Variants in DLGAP1 observed in about 807,000 individuals in gnomAD.
DLGAP1 encodes DLG associated protein 1, also known as disks large-associated protein 1.
A neutral mutation model predicts 90.8 loss-of-function variants in DLGAP1; 11 were observed. The observed-to-expected ratio is 0.12, with a 90% CI of 0.08 to 0.20. The LOEUF is 0.20. Ranked by LOEUF, DLGAP1 falls within the 10% of genes least tolerant of loss-of-function variation. The pLI, the probability that DLGAP1 is intolerant of heterozygous loss-of-function variation, is 1.00. For synonymous variants in DLGAP1, 558 were observed against 540.7 expected, an observed-to-expected ratio of 1.03 and a Z score of -0.44; for missense variants, 1,050 against 1,333.8, an observed-to-expected ratio of 0.79 and a Z score of 3.31.
intron 7 of DLGAP1, among the ~76,000 whole-genome samples, chr18:3,635,115 G>A (rs2058651041): frequency 6.6e-6 from 1 of 151,088 alleles, no homozygotes; most frequent in African/African-American, 2.4e-5. Flanking sequence ...CTAGTCAAGA[G>A]TCTGGTTGTC....
At chr18:3,957,185 G>C (rs967304588) in intron 3 of DLGAP1, among the ~76,000 whole-genome samples, 21 of 152,304 alleles carry the variant, frequency 1.4e-4, no homozygotes, top group Admixed American at 1.4e-3. Context: ...AGAAGAACAA[G>C]AGAGTCAGAG....
intron 7 of DLGAP1, among the ~76,000 whole-genome samples, chr18:3,615,156 A>G (rs1157142606): frequency 6.6e-6 from 1 of 152,046 alleles, no homozygotes; most frequent in Non-Finnish European, 1.5e-5. Context: ...TCCTGACCTC[A>G]TGTGATCCGC....
chr18:4,204,990 GCTTT>G (rs1330181356), intron 1 of DLGAP1, among the ~76,000 whole-genome samples: 3 of 151,416 alleles, frequency 2.0e-5, no homozygotes, highest in Non-Finnish European at 4.4e-5. Context: ...TTTGAAATCT[GCTTT>G]CTAACTGATT....
chr18:3,898,388 C>T (rs1473761201), intron 3 of DLGAP1, among the ~76,000 whole-genome samples: 4 of 152,230 alleles, frequency 2.6e-5, no homozygotes, highest in Admixed American at 6.5e-5. Flanking sequence ...ATCACAGCAG[C>T]CCTATGAAGC....
intron 1 of DLGAP1, among the ~76,000 whole-genome samples, chr18:4,266,315 T>G (rs897477686): frequency 2.0e-4 from 31 of 152,320 alleles, no homozygotes; most frequent in Middle Eastern, 3.4e-3. Context: ...ATGAATAGAT[T>G]CCACTAATCA....
At position 4,437,399 on chromosome 18, in the gene DLGAP1, AG is replaced by A. The variant is rs547243413; in HGVS notation, c.-267+17606del. On this transcript the variant is annotated intron_variant, in intron 1 of 12. Transcript: ENST00000315677. ...AGGGAGTAGTTCTAGGACCTCCTGT[AG>A]ATACCAAAACTCGAGGATGCCCAAG... is the stretch of plus-strand genomic sequence containing the variant. Among the ~76,000 whole-genome samples the A allele has an allele frequency of 1.2e-4, 19 of 152,358 alleles. No homozygotes were observed. In the East Asian group the frequency reaches 3.7e-3, roughly 29 times the overall value.
At chr18:4,421,936 A>G (rs1171416927) in intron 1 of DLGAP1, among the ~76,000 whole-genome samples, 1 of 151,808 alleles carries the variant, frequency 6.6e-6, no homozygotes, top group Admixed American at 6.6e-5. Flanking sequence ...CTGGTTTCGA[A>G]CTCCTGACCT....
At chr18:3,669,695 T>G (rs370136216) in intron 7 of DLGAP1, among the ~76,000 whole-genome samples, 12 of 152,308 alleles carry the variant, frequency 7.9e-5, no homozygotes, top group African/African-American at 2.4e-4. Flanking sequence ...TCCTTCTGGC[T>G]TCCTCAATGG....
At chr18:3,674,296 A>AAAAAAAAAAAAAAATATATATAT (rs755076240) in intron 7 of DLGAP1, among the ~76,000 whole-genome samples, 17 of 128,990 alleles carry the variant, frequency 1.3e-4, no homozygotes, top group African/African-American at 5.5e-4. Context: ...ATAATATTAA[A>AAAAAAAAAAAAAAATATATATAT]ATATATATAT....
At chr18:4,186,621 T>C (rs775356089) in intron 1 of DLGAP1, among the ~76,000 whole-genome samples, 9 of 152,218 alleles carry the variant, frequency 5.9e-5, no homozygotes, top group African/African-American at 2.2e-4. Flanking sequence ...GTCTATTCTA[T>C]TCCATTGGTC....
At chr18:3,917,264 A>G (rs577369999) in intron 3 of DLGAP1, among the ~76,000 whole-genome samples, 39 of 152,350 alleles carry the variant, frequency 2.6e-4, no homozygotes, top group Admixed American at 1.0e-3. Context: ...CATCTTTACT[A>G]AATTTCCCAG....
chr18:3,901,269 C>A (rs1313912865), intron 3 of DLGAP1, among the ~76,000 whole-genome samples: 6 of 152,122 alleles, frequency 3.9e-5, no homozygotes, highest in Admixed American at 3.9e-4. Flanking sequence ...GCTCCTCTGC[C>A]CACCATCTCT....
At chr18:3,823,044 T>G (rs74797190) in intron 4 of DLGAP1, among the ~76,000 whole-genome samples, 14 of 152,220 alleles carry the variant, frequency 9.2e-5, no homozygotes, top group Non-Finnish European at 1.8e-4. Flanking sequence ...ACCCACTATT[T>G]TGACGGTAGT....
chr18:4,431,680 C>G (rs988202600), intron 1 of DLGAP1, among the ~76,000 whole-genome samples: 1 of 152,160 alleles, frequency 6.6e-6, no homozygotes, highest in African/African-American at 2.4e-5. Flanking sequence ...TTTCTCAAGG[C>G]AACTCATATT....
intron 1 of DLGAP1, among the ~76,000 whole-genome samples, chr18:4,212,372 G>A (rs2077860669): frequency 6.6e-6 from 1 of 152,022 alleles, no homozygotes; most frequent in African/African-American, 2.4e-5. Flanking sequence ...GAAATAAGGT[G>A]ATTTAATTTT....
At chr18:4,429,592 G>C (rs1349612631) in intron 1 of DLGAP1, among the ~76,000 whole-genome samples, 1 of 152,194 alleles carries the variant, frequency 6.6e-6, no homozygotes, top group Non-Finnish European at 1.5e-5. Flanking sequence ...TGTTGGCAAG[G>C]ATTTAGGACA....
At chr18:3,708,594 T>C in intron 7 of DLGAP1, 1 of 453,358 alleles carries the variant, frequency 2.2e-6, no homozygotes. Context: ...GATGAGGGAA[T>C]CTGTTTGCGA....
intron 3 of DLGAP1, among the ~76,000 whole-genome samples, chr18:4,002,861 T>C (rs1013738623): frequency 3.3e-5 from 5 of 152,106 alleles, no homozygotes; most frequent in Admixed American, 2.0e-4. Flanking sequence ...GATCTATTGA[T>C]GTCTTTCTAC....
At chr18:3,768,787 G>A (rs762550743) in intron 5 of DLGAP1, among the ~76,000 whole-genome samples, 11 of 152,094 alleles carry the variant, frequency 7.2e-5, no homozygotes, top group Non-Finnish European at 1.5e-4. Context: ...AATTGATCAA[G>A]GGCTTAAATG....
Sources: allele counts gnomAD v4.1 joint callset (sites outside exome capture counted in the v4.1 genomes callset), GRCh38; gene constraint gnomAD v4.1.1; transcripts MANE v1.5; gene names NCBI Gene and HGNC (gene_info 2026-07-23, HGNC 2026-07-21).